RDH12: variants seen among roughly 807,000 people sequenced by gnomAD.
The protein encoded by RDH12 is all-trans and 9-cis retinol dehydrogenase.
A neutral mutation model predicts 34.0 loss-of-function variants in RDH12; 21 were observed. The ratio of observed to expected loss-of-function variants is 0.62; its 90% confidence interval spans 0.44 to 0.89. The LOEUF is 0.89. Among genes scored for constraint, RDH12 ranks in the 40% least tolerant of loss-of-function variants. RDH12 has a pLI of 0.00. For missense variants in RDH12, 394 were observed against 398.6 expected (o/e 0.99, Z 0.10); for synonymous variants, 198 against 169.9 (o/e 1.17, Z -1.29).
chr14:67,722,686 T>C lies in RDH12; in HGVS notation c.44T>C (p.Leu15Pro). 2 of 1,613,918 alleles carry C rather than the reference T, an allele frequency of 1.2e-6. No individual in the cohort carries two copies. The highest frequency in any genetic ancestry group is 1.7e-5 in the Admixed American group (1 of 60,022). Residue 15 changes from leucine to proline, a missense_variant, in exon 3 of 9, where the codon CTG becomes CCG. Coordinates refer to ENST00000551171, the MANE Select transcript of RDH12 (RefSeq NM_152443.3). Reference protein sequence around the residue: ...LGLLTSFFSFLYMVAPSIRKF... With the variant: ...LGLLTSFFSFPYMVAPSIRKF... ...CTGCTCACCTCCTTCTTCTCGTTCC[T>C]GTATATGGTAGCTCCATCCATCAGG...
chr14:67,709,888 G>T (rs1027457268), intron 1 of RDH12, among the ~76,000 whole-genome samples: 5 of 152,168 alleles, frequency 3.3e-5, no homozygotes, highest in Non-Finnish European at 1.5e-5. Context: ...TCTCAAGCTG[G>T]AAACTGCTTA....
At position 67,702,779 on chromosome 14, in the gene RDH12, CAT is replaced by C. The variant is rs755895092; in HGVS notation, c.-275+851_-275+852del. On this transcript the variant is annotated intron_variant, in intron 1 of 8. Transcript: ENST00000551171. Reference sequence around the variant, plus strand: ...ATATATGTAAACACATCTAAACACACATATATATGCACAAATAGAGATCTTAT... The same window carrying C: ...ATATATGTAAACACATCTAAACACACATATATGCACAAATAGAGATCTTAT... Among the ~76,000 whole-genome samples, 6 of 152,202 alleles carry C rather than the reference CAT, an allele frequency of 3.9e-5. No individual in the cohort carries two copies. The East Asian group carries it at 5.8e-4, about 15-fold the overall frequency.
At chr14:67,732,126 CA>C (rs71129854) in intron 8 of RDH12, among the ~76,000 whole-genome samples, 11,093 of 77,066 alleles carry the variant, frequency 0.14, 446 homozygotes, top group East Asian at 0.38. Context: ...GACTCTGTCT[CA>C]AAAAAAAAAA....
Position 67,733,905 on chromosome 14 carries a change from C to A in RDH12, c.*57C>A. Reference sequence around the variant, plus strand: ...AATCCATGCCATAATGAACAGGGACCAAGGAGAAGGCCAACCCTAAAGGAT... The same window carrying A: ...AATCCATGCCATAATGAACAGGGACAAAGGAGAAGGCCAACCCTAAAGGAT... On this transcript the variant is annotated 3_prime_UTR_variant, in exon 9 of 9. Coordinates refer to ENST00000551171, the MANE Select transcript of RDH12 (RefSeq NM_152443.3). 7.5e-7 allele frequency: 1 copy of A among 1,326,996 alleles called. No homozygotes were observed. Among genetic ancestry groups the A allele is most frequent in the Non-Finnish European group, 1.1e-6 (1 of 924,320 alleles). The allele number at this position is 1,326,996 out of a possible 1,614,324, so 82.2% of individuals were successfully genotyped here.
chr14:67,733,099 T>C (rs553512173), intron 8 of RDH12, among the ~76,000 whole-genome samples: 9 of 151,224 alleles, frequency 6.0e-5, no homozygotes, highest in Non-Finnish European at 1.3e-4. Context: ...TGTGCACATG[T>C]ACCCTAAAAC....
chr14:67,714,345 G>T (rs1227491353), intron 1 of RDH12, among the ~76,000 whole-genome samples: 1 of 151,864 alleles, frequency 6.6e-6, no homozygotes, highest in Non-Finnish European at 1.5e-5. Context: ...TGATTATGTT[G>T]CTCTTGGTCT....
intron 1 of RDH12, among the ~76,000 whole-genome samples, chr14:67,719,718 T>A (rs951091616): frequency 1.3e-5 from 2 of 152,190 alleles, no homozygotes; most frequent in Middle Eastern, 3.2e-3. Context: ...TCTCACGTGA[T>A]CCTCCTGCCT....
intron 8 of RDH12, among the ~76,000 whole-genome samples, chr14:67,731,998 G>T (rs1163924544): frequency 6.6e-6 from 1 of 151,594 alleles, no homozygotes; most frequent in Admixed American, 6.6e-5. Context: ...ATGTTGGTGG[G>T]TGCCTGTAAT....
intron 1 of RDH12, among the ~76,000 whole-genome samples, chr14:67,720,408 T>C (rs1313486092): frequency 1.3e-5 from 2 of 152,240 alleles, no homozygotes; most frequent in African/African-American, 2.4e-5. Context: ...CCTGTCTTAC[T>C]AGAAAGGTCT....
chr14:67,713,014 A>G (rs545647686), intron 1 of RDH12, among the ~76,000 whole-genome samples: 1 of 152,098 alleles, frequency 6.6e-6, no homozygotes, highest in Non-Finnish European at 1.5e-5. Context: ...TTTGGATTTG[A>G]TCAAGTTGGA....
intron 1 of RDH12, among the ~76,000 whole-genome samples, chr14:67,710,235 C>T (rs2037995520): frequency 6.6e-6 from 1 of 152,194 alleles, no homozygotes; most frequent in Admixed American, 6.5e-5. Flanking sequence ...CGTCCTCAAA[C>T]TTGGCAAAAT....
rs1412132516 is a variant in RDH12, at chr14:67,734,019, G to A, written c.*171G>A. On this transcript the variant is annotated 3_prime_UTR_variant, in exon 9 of 9. Transcript: ENST00000551171. ...ATGTTTGCACACCTGACACTCTTGT[G>A]AGACTGGCTTATGGCATGAGTTGTG... is the stretch of plus-strand genomic sequence containing the variant. The A allele has an allele frequency of 1.7e-6, 1 of 578,832 alleles. No homozygotes were observed. The highest frequency in any genetic ancestry group is 3.2e-6 in the Non-Finnish European group (1 of 309,230). The allele number at this position is 578,832 out of a possible 1,614,324, so 35.9% of individuals were successfully genotyped here. A position where few individuals can be genotyped will look rare whatever the true frequency, so the allele number is the denominator to read the frequency against.
At chr14:67,713,555 G>C (rs1361444462) in intron 1 of RDH12, among the ~76,000 whole-genome samples, 1 of 152,152 alleles carries the variant, frequency 6.6e-6, no homozygotes, top group Non-Finnish European at 1.5e-5. Flanking sequence ...AGCTCATGCT[G>C]GTACCAGGCA....
chr14:67,732,237 T>C (rs548519606), intron 8 of RDH12, among the ~76,000 whole-genome samples: 5 of 150,808 alleles, frequency 3.3e-5, no homozygotes, highest in Admixed American at 1.3e-4. Flanking sequence ...GGGAATTCCA[T>C]ACCAGCCTGG....
At chr14:67,702,464 G>C (rs924075051) in intron 1 of RDH12, among the ~76,000 whole-genome samples, 2 of 152,024 alleles carry the variant, frequency 1.3e-5, no homozygotes, top group Non-Finnish European at 2.9e-5. Flanking sequence ...GATTATTTTG[G>C]TTTTGGCTGG....
intron 3 of RDH12, among the ~76,000 whole-genome samples, chr14:67,724,062 G>T (rs1398740630): frequency 2.6e-5 from 4 of 152,240 alleles, no homozygotes; most frequent in African/African-American, 9.6e-5. Context: ...AGTTACTCAT[G>T]ATGATGGTTA....
chr14:67,724,109 G>GT (rs142498555), intron 3 of RDH12, among the ~76,000 whole-genome samples: 17,097 of 152,256 alleles, frequency 0.11, 1,348 homozygotes, highest in South Asian at 0.34. Flanking sequence ...TCATGCATAT[G>GT]TTTTGAATGT....
At chr14:67,721,870 C>T (rs1424043888) in intron 2 of RDH12, among the ~76,000 whole-genome samples, 2 of 151,880 alleles carry the variant, frequency 1.3e-5, no homozygotes, top group African/African-American at 2.4e-5. Flanking sequence ...TGCCCAGGGC[C>T]GTGGAGCTTT....
intron 1 of RDH12, among the ~76,000 whole-genome samples, chr14:67,714,102 T>A (rs1157227878): frequency 1.3e-5 from 2 of 152,156 alleles, no homozygotes; most frequent in African/African-American, 2.4e-5. Context: ...TTTAAAAAAA[T>A]TGTAATTTCC....
Sources: gnomAD v4.1 joint callset for allele counts (sites outside exome capture counted in the v4.1 genomes callset) on GRCh38, gnomAD v4.1.1 for gene constraint, MANE v1.5 for transcripts, NCBI Gene and HGNC (gene_info 2026-07-23, HGNC 2026-07-21) for gene names.